The following APOL2 variants were observed in gnomAD, a reference collection of about 807,000 sequenced individuals.
APOL2 encodes the protein apolipoprotein L, 2.
In APOL2, 8 loss-of-function variants were observed where a neutral mutation model predicts 7.1. The observed-to-expected ratio is 1.12, with a 90% CI of 0.66 to 2.03. The LOEUF is 2.03. APOL2 is among the 30% of genes most tolerant of loss of function. The probability of loss-of-function intolerance (pLI) is 0.00; values close to 1 mark genes in which losing one functional copy is unlikely to be tolerated. For missense variants in APOL2, 471 were observed against 415.1 expected (o/e 1.13, Z -1.17); for synonymous variants, 177 against 159.9 (o/e 1.11, Z -0.81).
At position 36,227,692 on chromosome 22, in the gene APOL2, G is replaced by T. The variant is rs1346896953; in HGVS notation, c.726C>A (p.Pro242=). 4 of 1,614,264 alleles carry T rather than the reference G, an allele frequency of 2.5e-6. No individual in the cohort carries two copies. Among genetic ancestry groups the T allele is most frequent in the Non-Finnish European group, 3.4e-6 (4 of 1,180,042 alleles). Residue 242 remains proline (P), a synonymous_variant, in exon 5 of 5, where the codon CCC becomes CCA. Transcript: ENST00000358502. ...CTGAGATTCGCCCAATGACATGCGG[G>T]GGTGGGGCATACGCTCCTAACTGAG... ...ANPQLGAYAP[P]PHVIGRISAE... is the part of the protein sequence containing the mutation.
rs3827348 is a variant in APOL2, at chr22:36,239,191, C to T, written c.-134+250G>A. ...AGGGTGTCAGAACCAGAGCTGAGCC[C>T]GGGGAGCTTTGTGAACCCATCTAAG... On this transcript the variant is annotated intron_variant, in intron 1 of 4. Transcript: ENST00000358502. The T allele has an allele frequency of 2.9e-4, 369 of 1,269,984 alleles. 4 individuals carry two copies. The East Asian group carries it at 0.011, about 37-fold the overall frequency. 78.7% of individuals were successfully genotyped at this position (1,269,984 alleles called of 1,614,324 possible). A position where few individuals can be genotyped will look rare whatever the true frequency, so the allele number is the denominator to read the frequency against.
chr22:36,229,263 T>C (rs529224407), intron 4 of APOL2, among the ~76,000 whole-genome samples: 81 of 152,290 alleles, frequency 5.3e-4, no homozygotes, highest in African/African-American at 1.8e-3. Flanking sequence ...CTCTGGCGTC[T>C]CCTGTCAGTC....
At chr22:36,239,377 C>G in intron 1 of APOL2, 64 bp downstream of exon 1, 1 of 1,454,258 alleles carries the variant, frequency 6.9e-7, no homozygotes, top group Non-Finnish European at 9.2e-7. Context: ...CTGAATGATC[C>G]TTCCCTTATA....
intron 1 of APOL2, chr22:36,239,229 C>A: frequency 7.4e-7 from 1 of 1,346,646 alleles, no homozygotes; most frequent in Non-Finnish European, 9.5e-7. Context: ...GTTTTCCCCA[C>A]CTCTCTCTAC....
intron 4 of APOL2, among the ~76,000 whole-genome samples, chr22:36,229,907 C>T (rs2015157348): frequency 1.3e-5 from 2 of 152,160 alleles, no homozygotes; most frequent in South Asian, 2.1e-4. Context: ...TCTGGCTATT[C>T]ATTCTGGCTC....
chr22:36,239,035 GC>G, intron 1 of APOL2: 1 of 870,682 alleles, frequency 1.1e-6, no homozygotes, highest in Non-Finnish European at 1.5e-6. Flanking sequence ...CCTGGGTGTG[GC>G]CCGGCCACAA....
chr22:36,229,006 G>T (rs1036587870), intron 4 of APOL2, among the ~76,000 whole-genome samples: 1 of 152,142 alleles, frequency 6.6e-6, no homozygotes, highest in African/African-American at 2.4e-5. Flanking sequence ...CTCCAGCTGG[G>T]CTCTTCAGAG....
rs1047750852 is a variant in APOL2, at chr22:36,226,489, T to G, written c.*915A>C. ...GGGTTCAAGCAGGGGACATGCACCCTTTAGTAACCTGGAGGGGACCCGTCA... is the reference window on the plus strand; with the variant it reads ...GGGTTCAAGCAGGGGACATGCACCCGTTAGTAACCTGGAGGGGACCCGTCA... On this transcript the variant is annotated 3_prime_UTR_variant, in exon 5 of 5. Transcript: ENST00000358502. 3.3e-5 allele frequency: 5 copies of G among 152,316 alleles called. No individual in the cohort carries two copies. Among genetic ancestry groups the G allele is most frequent in the African/African-American group, 1.2e-4 (5 of 41,424 alleles). The allele number at this position is 152,316 out of a possible 1,614,324, so 9.4% of individuals were successfully genotyped here.
intron 3 of APOL2, 38 bp downstream of exon 3, chr22:36,233,115 C>T (rs369311783): frequency 5.1e-5 from 82 of 1,602,302 alleles, no homozygotes; most frequent in Non-Finnish European, 6.4e-5. Context: ...ATTCTAGGTG[C>T]GAGTAGGAAC....
At chr22:36,237,864 G>A (rs2015463304) in intron 1 of APOL2, among the ~76,000 whole-genome samples, 2 of 152,124 alleles carry the variant, frequency 1.3e-5, no homozygotes, top group Admixed American at 1.3e-4. Context: ...CTGCTTCGGT[G>A]CCTCCTGGAG....
chr22:36,228,350 T>G, intron 4 of APOL2, 70 bp from the exon 5 acceptor site: 1 of 1,518,802 alleles, frequency 6.6e-7, no homozygotes, highest in Non-Finnish European at 8.8e-7. Flanking sequence ...CCATGCGATC[T>G]CTATCCTGTG....
In APOL2 at chr22:36,233,144, C is replaced by T. The variant is rs768174776; in HGVS notation, c.10+9G>A. 3.6e-5 allele frequency: 58 copies of T among 1,613,712 alleles called. 1 individual carries two copies. In the Middle Eastern group the frequency reaches 4.9e-4, roughly 14 times the overall value. ...TAGGAACTAGCCAGGAAAGAGGAAG[C>T]GAGCCTACCTGGGTTCATGGTGCCA... On this transcript the variant is annotated intron_variant, in intron 3 of 4. Transcript: ENST00000358502.
upstream of APOL2, chr22:36,239,695 G>A (rs557257771): frequency 2.7e-4 from 159 of 583,762 alleles, no homozygotes; most frequent in Non-Finnish European, 4.3e-4. Flanking sequence ...AGGAGCAGCC[G>A]CAGACCAGAC....
At chr22:36,231,594 A>G (rs2015227963) in intron 3 of APOL2, 128 bp from the exon 4 acceptor site, 8 of 1,175,844 alleles carry the variant, frequency 6.8e-6, no homozygotes, top group Non-Finnish European at 9.7e-6. Flanking sequence ...TGATGGAGTC[A>G]TCAGTGCTAT....
upstream of APOL2, chr22:36,239,658 G>C (rs117969327): frequency 3.0e-6 from 2 of 667,036 alleles, no homozygotes; most frequent in East Asian, 2.8e-5. Flanking sequence ...TGCAGTCCAG[G>C]CCCAGCCTCC....
chr22:36,233,512 G>C, intron 1 of APOL2, 57 bp from the exon 2 acceptor site: 2 of 1,446,886 alleles, frequency 1.4e-6, no homozygotes, highest in East Asian at 4.9e-5. Context: ...GATCATTACA[G>C]AAACTACAGA....
rs576301806 is a variant in APOL2, at chr22:36,236,776, C to T, written c.-134+2665G>A. The stretch of plus-strand genomic sequence containing the variant: ...CACCTCTGTTTCAGGGTCGAGGCAT[C>T]CAGATATCTGTCTTCTGGGGCCCCT... On this transcript the variant is annotated intron_variant, in intron 1 of 4. Transcript: ENST00000358502. The T allele has an allele frequency of 3.7e-6, 4 of 1,079,900 alleles. No individual in the cohort carries two copies. The East Asian group carries it at 2.3e-4, about 62-fold the overall frequency. The allele number at this position is 1,079,900 out of a possible 1,614,324, so 66.9% of individuals were successfully genotyped here. A position where few individuals can be genotyped will look rare whatever the true frequency, so the allele number is the denominator to read the frequency against.
At chr22:36,238,695 C>T (rs2015495934) in intron 1 of APOL2, among the ~76,000 whole-genome samples, 1 of 152,210 alleles carries the variant, frequency 6.6e-6, no homozygotes, top group African/African-American at 2.4e-5. Flanking sequence ...CCACAGGTAC[C>T]ATTCTGCAAT....
intron 1 of APOL2, chr22:36,236,854 A>G: frequency 8.2e-7 from 1 of 1,220,246 alleles, no homozygotes; most frequent in South Asian, 3.5e-5. Flanking sequence ...TCACCAGGGG[A>G]GTATGCAGAG....
Sources: gnomAD v4.1 joint callset for allele counts (sites outside exome capture counted in the v4.1 genomes callset) on GRCh38, gnomAD v4.1.1 for gene constraint, MANE v1.5 for transcripts, NCBI Gene and HGNC (gene_info 2026-07-23, HGNC 2026-07-21) for gene names.